The following CASP8 variants were observed in gnomAD, a reference collection of about 807,000 sequenced individuals.
CASP8 encodes caspase-8.
A neutral mutation model predicts 46.3 loss-of-function variants in CASP8; 24 were observed. The ratio of observed to expected loss-of-function variants is 0.52; its 90% CI spans 0.38 to 0.73. The LOEUF (loss-of-function observed/expected upper bound fraction) is 0.73. Ranked by LOEUF, CASP8 falls within the 30% of genes least tolerant of loss-of-function variation. The probability of loss-of-function intolerance (pLI) is 0.00; values close to 1 mark genes in which losing one functional copy is unlikely to be tolerated. For missense variants in CASP8, 460 were observed against 559.0 expected (o/e 0.82, Z 1.79); for synonymous variants, 188 against 200.4 (o/e 0.94, Z 0.52).
chr2:201,279,032 A>C (rs2125351609), intron 7 of CASP8, among the ~76,000 whole-genome samples: 1 of 152,326 alleles, frequency 6.6e-6, no homozygotes, highest in Middle Eastern at 3.4e-3. Context: ...AGAAAGCTAC[A>C]ACCTCACTGA....
chr2:201,261,000 C>T (rs987176301), intron 1 of CASP8, among the ~76,000 whole-genome samples: 5 of 152,218 alleles, frequency 3.3e-5, no homozygotes, highest in Admixed American at 1.3e-4. Flanking sequence ...CACCAACACA[C>T]ATACCCACCA....
intron 2 of CASP8, among the ~76,000 whole-genome samples, chr2:201,244,421 C>T (rs1462520120): frequency 6.6e-6 from 1 of 152,134 alleles, no homozygotes; most frequent in African/African-American, 2.4e-5. Flanking sequence ...CCCACTTCTC[C>T]CTCCTCTGTA....
At chr2:201,253,293 CTTTTTTTTTT>C (rs34341476) in intron 2 of CASP8, among the ~76,000 whole-genome samples, 8 of 67,954 alleles carry the variant, frequency 1.2e-4, no homozygotes, top group Admixed American at 2.8e-4. Context: ...CTAGCCTGAT[CTTTTTTTTTT>C]TTTTTTTTTT....
rs1278968129 is a variant in CASP8, at chr2:201,272,830, T to C, written c.550+54T>C. ...GCAAAACCTACTCTAAAATTGAAAC[T>C]GACAAATCGCTCCATATCACAGTTG... On this transcript the variant is annotated intron_variant, in intron 4 of 8. Coordinates refer to ENST00000673742, the MANE Select transcript of CASP8 (RefSeq NM_001372051.1). This position sits in a 1 kb window ranked among gnomAD's most constrained non-coding sequence, Gnocchi z 4.4. The C allele has an allele frequency of 6.2e-7, 1 of 1,613,842 alleles. No homozygotes were observed. The highest frequency in any genetic ancestry group is 8.5e-7 in the Non-Finnish European group (1 of 1,179,788).
At chr2:201,245,864 CTT>C (rs60096366) in intron 2 of CASP8, among the ~76,000 whole-genome samples, 160 of 124,408 alleles carry the variant, frequency 1.3e-3, no homozygotes, top group African/African-American at 5.0e-3. Context: ...CTTGTTTGTT[CTT>C]TTTTTTTTTT....
intron 7 of CASP8, chr2:201,277,674 T>G (rs1305103101): frequency 2.3e-6 from 1 of 435,330 alleles, no homozygotes; most frequent in East Asian, 7.5e-5. Flanking sequence ...ATTATAATCA[T>G]CAGGAGTCTG....
rs560858360 is a variant in CASP8, at chr2:201,271,567, T to C, written c.357T>C (p.Ser119=). 1.6e-5 allele frequency: 25 copies of C among 1,612,072 alleles called. No individual in the cohort carries two copies. The Admixed American group carries it at 3.5e-4, about 23-fold the overall frequency. ...AAGTGAGCAGATCAGAATTGAGGTC[T>C]TTTAAGTTTCTTTTGCAAGAGGAAA... ...SEEVSRSELR[S]FKFLLQEEIS... Residue 119 remains serine, a synonymous_variant, in exon 3 of 9, where the codon TCT becomes TCC. Transcript: ENST00000673742.
chr2:201,245,432 G>C (rs929019061), intron 2 of CASP8, among the ~76,000 whole-genome samples: 3 of 152,020 alleles, frequency 2.0e-5, no homozygotes, highest in South Asian at 4.2e-4. Flanking sequence ...GTACAGACAG[G>C]GTTTCACCAT....
chr2:201,264,908 G>A (rs1177214512), intron 1 of CASP8, among the ~76,000 whole-genome samples: 1 of 152,188 alleles, frequency 6.6e-6, no homozygotes, highest in African/African-American at 2.4e-5. Context: ...TGAGAGGGTA[G>A]TTTGTCATCA....
chr2:201,266,608 C>A lies in CASP8; in HGVS notation c.122C>A (p.Ala41Asp). Residue 41 changes from alanine to aspartate, a missense_variant, in exon 2 of 9, where the codon GCC becomes GAC. By Grantham distance (126) the Ala-to-Asp change is moderately radical. Transcript: ENST00000673742. The surrounding 1 kb of genome is among the most constrained non-coding windows in gnomAD (Gnocchi z 5.7). ...AGGAAGCAAGAACCCATCAAGGATG[C>A]CTTGATGTTATTCCAGAGACTCCAG... ...PQRKQEPIKD[A>D]LMLFQRLQEK... is the part of the protein sequence containing the mutation. 2 of 1,614,154 alleles carry A rather than the reference C, an allele frequency of 1.2e-6. No homozygotes were observed. The highest frequency in any genetic ancestry group is 1.7e-6 in the Non-Finnish European group (2 of 1,180,030).
At chr2:201,236,660 C>T (rs2124847358) in intron 2 of CASP8, among the ~76,000 whole-genome samples, 1 of 152,268 alleles carries the variant, frequency 6.6e-6, no homozygotes, top group Admixed American at 6.5e-5. Flanking sequence ...CCTCGGCTTA[C>T]CGAACCCTGG....
At chr2:201,242,719 C>G (rs1471886770) in intron 2 of CASP8, 1 of 152,048 alleles carries the variant, frequency 6.6e-6, no homozygotes, top group Non-Finnish European at 1.5e-5. Flanking sequence ...CCACAAATAG[C>G]TAAATCAGTT....
chr2:201,277,096 C>G (rs1030262912), intron 7 of CASP8, 128 bp downstream of exon 7: 14 of 709,224 alleles, frequency 2.0e-5, no homozygotes, highest in Non-Finnish European at 3.2e-5. Context: ...AACATATTTC[C>G]CTGTGGAGGT....
chr2:201,269,275 C>T (rs202216762), intron 2 of CASP8, among the ~76,000 whole-genome samples: 2 of 152,054 alleles, frequency 1.3e-5, no homozygotes, highest in South Asian at 2.1e-4. Context: ...TATCTGCAAA[C>T]GTCCTGGGTC....
chr2:201,247,028 C>G (rs1028590134), intron 2 of CASP8, among the ~76,000 whole-genome samples: 1 of 151,678 alleles, frequency 6.6e-6, no homozygotes, highest in Admixed American at 6.6e-5. Context: ...AACCCTGTCT[C>G]TACTAAAAAT....
Position 201,271,500 on chromosome 2 carries a change from C to T in CASP8, c.306-16C>T. 1 of 1,446,194 alleles carries T rather than the reference C, an allele frequency of 6.9e-7. No homozygotes were observed. The highest frequency in any genetic ancestry group is 9.7e-7 in the Non-Finnish European group (1 of 1,026,864). The allele number at this position is 1,446,194 out of a possible 1,614,324, so 89.6% of individuals were successfully genotyped here. On this transcript the variant is annotated splice_polypyrimidine_tract_variant and intron_variant, in intron 2 of 8. Coordinates refer to ENST00000673742, the MANE Select transcript of CASP8 (RefSeq NM_001372051.1). ...TTGGGAAAAGATTTCTAAAGTGTCT[C>T]CATTTCCCACCACAGGGTCATGCTC... is the stretch of plus-strand genomic sequence containing the variant.
chr2:201,237,352 A>C (rs764264158), intron 2 of CASP8, among the ~76,000 whole-genome samples: 1 of 151,110 alleles, frequency 6.6e-6, no homozygotes, highest in Admixed American at 6.6e-5. Flanking sequence ...CGGCTTCCCA[A>C]AGTGCTGGGA....
At chr2:201,273,120 C>T (rs1384537024) in intron 5 of CASP8, among the ~76,000 whole-genome samples, 178 bp downstream of exon 5, 1 of 150,338 alleles carries the variant, frequency 6.7e-6, no homozygotes, top group Non-Finnish European at 1.5e-5. Context: ...AGCAGTGGCA[C>T]CATCTCGGCT....
At chr2:201,284,624 G>A (rs1468482400) in intron 7 of CASP8, among the ~76,000 whole-genome samples, 192 bp from the exon 8 acceptor site, 1 of 111,960 alleles carries the variant, frequency 8.9e-6, no homozygotes, top group Non-Finnish European at 2.0e-5. Context: ...CGAGATGGCA[G>A]CAGTACCGTC....
Sources: gnomAD v4.1 joint callset for allele counts (sites outside exome capture counted in the v4.1 genomes callset) on GRCh38, gnomAD v4.1.1 for gene constraint, Gnocchi (gnomAD v3.1) non-coding constraint, MANE v1.5 for transcripts, NCBI Gene and HGNC (gene_info 2026-07-23, HGNC 2026-07-21) for gene names.